Variants in TMEM131L observed in about 807,000 individuals in gnomAD.
TMEM131L encodes transmembrane 131 like.
In TMEM131L, 54 loss-of-function variants were observed where a neutral mutation model predicts 192.2. The ratio of observed to expected loss-of-function variants is 0.28; its 90% confidence interval spans 0.23 to 0.35. The LOEUF (loss-of-function observed/expected upper bound fraction) is 0.35, where lower values mean the gene tolerates loss of function less well. TMEM131L is among the 10% of genes least tolerant of loss of function. The pLI, the probability that TMEM131L is intolerant of heterozygous loss-of-function variation, is 1.00. For missense variants in TMEM131L, 1,888 were observed against 1,972.9 expected (o/e 0.96, Z 0.82); for synonymous variants, 701 against 704.9 (o/e 0.99, Z 0.09).
chr4:153,466,642 A>G (rs963851338), intron 1 of TMEM131L, 121 bp downstream of exon 1: 5 of 1,003,950 alleles, frequency 5.0e-6, no homozygotes, highest in Non-Finnish European at 5.1e-6. Flanking sequence ...AGGAGGAGGA[A>G]GGAAAGCTGT....
chr4:153,512,055 C>T lies in TMEM131L; in HGVS notation c.240-38018C>T, dbSNP rs79443492. 6.3e-3 allele frequency among the ~76,000 whole-genome samples: 961 copies of T among 151,636 alleles called. 7 individuals carry two copies. The highest frequency in any genetic ancestry group is 0.048 in the Middle Eastern group (14 of 294). On this transcript the variant is annotated intron_variant, in intron 3 of 34. Transcript: ENST00000409959. The stretch of plus-strand genomic sequence containing the variant: ...AGGAGGTGGAATGGAAAGTTGAGAT[C>T]GAGGAGAAAGGGAAATGATGTACTG...
At chr4:153,583,423 C>G in intron 10 of TMEM131L, 141 bp from the exon 11 acceptor site, 1 of 763,230 alleles carries the variant, frequency 1.3e-6, no homozygotes. Flanking sequence ...TTGTCAGCAT[C>G]CCCTCCATAT....
intron 3 of TMEM131L, among the ~76,000 whole-genome samples, chr4:153,517,037 G>A (rs933781827): frequency 1.3e-5 from 2 of 152,064 alleles, no homozygotes; most frequent in African/African-American, 4.8e-5. Context: ...GTGTTGGCCA[G>A]GCTGGTCTCA....
At chr4:153,579,879 A>C (rs1301326281) in intron 7 of TMEM131L, among the ~76,000 whole-genome samples, 1 of 152,224 alleles carries the variant, frequency 6.6e-6, no homozygotes, top group East Asian at 1.9e-4. Flanking sequence ...TCTAACAAAC[A>C]TAATTGTAGT....
chr4:153,612,265 A>T lies in TMEM131L; in HGVS notation c.3432A>T (p.Gln1144His), dbSNP rs1732672995. ...TGTTTATTAAAGGGAATAACCAGCAAGTACCTGTCAAGAATGAAGTAGATC... is the reference window on the plus strand; with the variant it reads ...TGTTTATTAAAGGGAATAACCAGCATGTACCTGTCAAGAATGAAGTAGATC... The part of the protein sequence containing the change: ...ISRKNNGNNQ[Q>H]VPVKNEVDHC... The change falls in exon 26 of 35, where the codon CAA becomes CAT. Residue 1144 changes from glutamine (Q) to histidine (H), a missense_variant. Coordinates refer to ENST00000409959, the MANE Select transcript of TMEM131L (RefSeq NM_001131007.2). The T allele has an allele frequency of 6.4e-7, 1 of 1,560,542 alleles. No individual in the cohort carries two copies. Among genetic ancestry groups the T allele is most frequent in the Admixed American group, 2.1e-5 (1 of 48,044 alleles).
intron 3 of TMEM131L, among the ~76,000 whole-genome samples, chr4:153,531,818 C>T (rs75369210): frequency 6.6e-6 from 1 of 152,194 alleles, no homozygotes; most frequent in African/African-American, 2.4e-5. Flanking sequence ...GTTTGCTGAG[C>T]TCTGGAAGCC....
intron 3 of TMEM131L, among the ~76,000 whole-genome samples, chr4:153,532,583 A>G (rs967711392): frequency 2.6e-5 from 4 of 151,890 alleles, no homozygotes; most frequent in Admixed American, 6.5e-5. Flanking sequence ...GAACACTTTT[A>G]TCCCTCCTAA....
rs565733404 is a variant in TMEM131L, at chr4:153,467,550, G to C, written c.195+269G>C. Among the ~76,000 whole-genome samples, 167 of 152,398 alleles carry C rather than the reference G, an allele frequency of 1.1e-3. 1 individual carries two copies. Among genetic ancestry groups the C allele is most frequent in the African/African-American group, 4.0e-3 (165 of 41,600 alleles). On this transcript the variant is annotated intron_variant, in intron 2 of 34. Transcript: ENST00000409959. ...TCAGCAGGGAAGCGGCCAGCGGTCT[G>C]TTCGGCCGTGGGTGTCCTGGGTGCA...
chr4:153,479,344 T>A (rs1308754521), intron 3 of TMEM131L, among the ~76,000 whole-genome samples: 1 of 152,212 alleles, frequency 6.6e-6, no homozygotes, highest in African/African-American at 2.4e-5. Context: ...TTCATCCCCA[T>A]TTTTCCCTGG....
intron 3 of TMEM131L, 139 bp downstream of exon 3, chr4:153,474,027 A>C: frequency 5.4e-6 from 3 of 551,620 alleles, no homozygotes; most frequent in Non-Finnish European, 9.5e-6. Flanking sequence ...CATTTGTCGT[A>C]TCTATACCTT....
Position 153,470,586 on chromosome 4 carries a change from T to C in TMEM131L, c.196-3259T>C, listed in dbSNP as rs189496141. Among the ~76,000 whole-genome samples the C allele has an allele frequency of 4.5e-4, 68 of 152,378 alleles. No individual in the cohort carries two copies. In the Middle Eastern group the frequency reaches 0.017, roughly 38 times the overall value. Reference sequence around the variant, plus strand: ...TACAGAAATTTTCCTCTGCTCTGACTGTACTTGAACACACTGAATGCAAAG... The same window carrying C: ...TACAGAAATTTTCCTCTGCTCTGACCGTACTTGAACACACTGAATGCAAAG... On this transcript the variant is annotated intron_variant, in intron 2 of 34. Coordinates refer to ENST00000409959, the MANE Select transcript of TMEM131L (RefSeq NM_001131007.2).
chr4:153,603,254 A>G lies in TMEM131L; in HGVS notation c.2640-49A>G, dbSNP rs1316427317. ...TTCTGTAATGAAACTAGTCTTTTGA[A>G]TGCCAGTCAGAACCATGCAATACTG... On this transcript the variant is annotated intron_variant, in intron 23 of 34. Coordinates refer to ENST00000409959, the MANE Select transcript of TMEM131L (RefSeq NM_001131007.2). The G allele has an allele frequency of 3.3e-6, 5 of 1,504,316 alleles. No individual in the cohort carries two copies. The African/African-American group carries it at 5.7e-5, about 17-fold the overall frequency. 93.2% of individuals were successfully genotyped at this position (1,504,316 alleles called of 1,614,324 possible). A position where few individuals can be genotyped will look rare whatever the true frequency, so the allele number is the denominator to read the frequency against.
Position 153,546,273 on chromosome 4 carries a change from G to A in TMEM131L, c.240-3800G>A, listed in dbSNP as rs138225354. On this transcript the variant is annotated intron_variant, in intron 3 of 34. Transcript: ENST00000409959. The stretch of plus-strand genomic sequence containing the variant: ...GAGAAGGGGTGAAAATTAGAAATAT[G>A]TGGCATAAATTTATCATTGATTTCT... Among the ~76,000 whole-genome samples, 974 of 149,472 alleles carry A rather than the reference G, an allele frequency of 6.5e-3. 7 individuals carry two copies. The highest frequency in any genetic ancestry group is 0.023 in the African/African-American group (922 of 40,600).
intron 3 of TMEM131L, among the ~76,000 whole-genome samples, chr4:153,479,091 T>C (rs1487362166): frequency 6.6e-6 from 1 of 152,174 alleles, no homozygotes; most frequent in East Asian, 1.9e-4. Context: ...TGAGGAGGTC[T>C]CTGTTTTACT....
Position 153,602,132 on chromosome 4 carries a change from C to A in TMEM131L, c.2267-20C>A, listed in dbSNP as rs756547344. The A allele has an allele frequency of 1.4e-6, 2 of 1,406,680 alleles. No individual in the cohort carries two copies. The highest frequency in any genetic ancestry group is 1.9e-6 in the Non-Finnish European group (2 of 1,025,750). The allele number at this position is 1,406,680 out of a possible 1,614,324, so 87.1% of individuals were successfully genotyped here. A position where few individuals can be genotyped will look rare whatever the true frequency, so the allele number is the denominator to read the frequency against. On this transcript the variant is annotated intron_variant, in intron 21 of 34. Transcript: ENST00000409959. ...TTTATAGTTCACATATACTAAATAT[C>A]TTTTTTTGGTTCCCATTAGAACTGA...
chr4:153,555,443 T>TC lies in TMEM131L; in HGVS notation c.309-342dup, dbSNP rs770138416. ...ATTTTCATTGAATTAGAGACCCAGG[T>TC]CCGAGAAGTGCCAGTGAGTGCCTAC... On this transcript the variant is annotated intron_variant, in intron 4 of 34. Transcript: ENST00000409959. The surrounding 1 kb of genome is among the most constrained non-coding windows in gnomAD (Gnocchi z 4.1). 1.3e-5 allele frequency among the ~76,000 whole-genome samples: 2 copies of TC among 152,216 alleles called. No individual in the cohort carries two copies. Among genetic ancestry groups the TC allele is most frequent in the Non-Finnish European group, 2.9e-5 (2 of 68,030 alleles).
intron 31 of TMEM131L, among the ~76,000 whole-genome samples, chr4:153,630,656 T>G (rs1215210824): frequency 6.6e-6 from 1 of 152,190 alleles, no homozygotes; most frequent in Non-Finnish European, 1.5e-5. Context: ...TACCAGCCAT[T>G]TCTAACTGGA....
intron 3 of TMEM131L, among the ~76,000 whole-genome samples, chr4:153,529,698 ACT>A (rs1184362050): frequency 2.0e-5 from 3 of 152,148 alleles, no homozygotes; most frequent in Non-Finnish European, 4.4e-5. Context: ...GCTGTGGTAT[ACT>A]CTCTGGTCTG....
intron 3 of TMEM131L, among the ~76,000 whole-genome samples, chr4:153,522,766 G>GT (rs1470562424): frequency 6.6e-6 from 1 of 152,178 alleles, no homozygotes; most frequent in Non-Finnish European, 1.5e-5. Context: ...ATCTCATCGT[G>GT]TGCCACAGCC....
Sources: allele counts gnomAD v4.1 joint callset (sites outside exome capture counted in the v4.1 genomes callset), GRCh38; gene constraint gnomAD v4.1.1; non-coding constraint Gnocchi (gnomAD v3.1); transcripts MANE v1.5; gene names NCBI Gene and HGNC (gene_info 2026-07-23, HGNC 2026-07-21).